Variants in NRCAM observed in about 807,000 individuals in gnomAD.
NRCAM encodes the protein neuronal cell adhesion molecule.
NRCAM carries 83 observed loss-of-function variants against 156.5 expected under a neutral mutation model. The observed-to-expected ratio is 0.53, with a 90% CI of 0.44 to 0.64. The LOEUF is 0.64. NRCAM is among the 30% of genes least tolerant of loss of function. NRCAM has a pLI of 0.00. For synonymous variants in NRCAM, 538 were observed against 563.9 expected, an observed-to-expected ratio of 0.95 and a Z score of 0.65; for missense variants, 1,417 against 1,597.3, an observed-to-expected ratio of 0.89 and a Z score of 1.92.
chr7:108,444,271 G>C (rs1400431651), intron 1 of NRCAM, among the ~76,000 whole-genome samples: 1 of 151,996 alleles, frequency 6.6e-6, no homozygotes, highest in South Asian at 2.1e-4. Flanking sequence ...TGATATCCTG[G>C]GGGTAAGGGG....
chr7:108,399,961 A>G (rs540210933), intron 1 of NRCAM, among the ~76,000 whole-genome samples: 9 of 152,234 alleles, frequency 5.9e-5, no homozygotes, highest in Non-Finnish European at 1.0e-4. Context: ...GTGCTCTATA[A>G]TCACATCAAC....
chr7:108,222,328 A>G (rs2092552568), intron 11 of NRCAM, among the ~76,000 whole-genome samples: 1 of 152,254 alleles, frequency 6.6e-6, no homozygotes, highest in Non-Finnish European at 1.5e-5. Context: ...GGTAAGTGAT[A>G]GAGTCCCAAT....
In NRCAM at chr7:108,412,947, T is replaced by C. The variant is rs192290406; in HGVS notation, c.-331-13354A>G. On this transcript the variant is annotated intron_variant, in intron 1 of 32. Coordinates refer to ENST00000379028, the MANE Select transcript of NRCAM (RefSeq NM_001037132.4). ...TGCATTTTCTTTATCCATTCATCCA[T>C]AGATAAACACTTCGGTTGATCCATG... Among the ~76,000 whole-genome samples, 41 of 152,338 alleles carry C rather than the reference T, an allele frequency of 2.7e-4. No individual in the cohort carries two copies. In the East Asian group the frequency reaches 7.5e-3, roughly 28 times the overall value.
At chr7:108,291,714 G>C (rs941534953) in intron 3 of NRCAM, among the ~76,000 whole-genome samples, 1 of 152,136 alleles carries the variant, frequency 6.6e-6, no homozygotes, top group Non-Finnish European at 1.5e-5. Flanking sequence ...GCGACAGAGA[G>C]AGAAGAGAAA....
intron 24 of NRCAM, 74 bp from the exon 25 acceptor site, chr7:108,180,501 CTGT>C: frequency 1.6e-6 from 2 of 1,243,614 alleles, no homozygotes; most frequent in Non-Finnish European, 2.3e-6. Flanking sequence ...AAAATTGAAA[CTGT>C]TGTTTTTCCA....
chr7:108,217,286 C>T (rs867637077), intron 11 of NRCAM, among the ~76,000 whole-genome samples: 14 of 152,336 alleles, frequency 9.2e-5, no homozygotes, highest in Middle Eastern at 3.4e-3. Flanking sequence ...GTTCCCTCCT[C>T]TGGATGCTTC....
intron 3 of NRCAM, among the ~76,000 whole-genome samples, chr7:108,305,157 T>C (rs17155400): frequency 0.023 from 3,502 of 152,306 alleles, 93 homozygotes; most frequent in East Asian, 0.1. Flanking sequence ...TACTCCTCTA[T>C]GGCAAGAAAG....
Position 108,189,671 on chromosome 7 carries a change from C to G in NRCAM, c.2009G>C (p.Gly670Ala). The change falls in exon 20 of 33, where the codon GGC becomes GCC. Residue 670 changes from glycine (G) to alanine (A), a missense_variant. Gly to Ala is a moderately conservative substitution (Grantham distance 60). This residue lies in a region of NRCAM where 1,238 missense variants were observed against 1,336.4 expected (regional missense o/e 0.93). Transcript: ENST00000379028. The stretch of plus-strand genomic sequence containing the variant: ...TGTAATGGGGCTATTGTTGTCATCG[C>G]CTGGGGTCCATGACAGCTGAACACT... ...DKSVQLSWTP[G>A]DDNNSPITKF... The G allele has an allele frequency of 6.7e-7, 1 of 1,497,728 alleles. No individual in the cohort carries two copies. The highest frequency in any genetic ancestry group is 1.1e-5 in the South Asian group (1 of 87,338). 92.8% of individuals were successfully genotyped at this position (1,497,728 alleles called of 1,614,324 possible).
At chr7:108,261,634 G>A (rs1437586118) in intron 3 of NRCAM, among the ~76,000 whole-genome samples, 1 of 152,138 alleles carries the variant, frequency 6.6e-6, no homozygotes, top group Non-Finnish European at 1.5e-5. Context: ...CCCCTCGTGT[G>A]CACCACTTCA....
chr7:108,270,165 G>A (rs2097289254), intron 3 of NRCAM, among the ~76,000 whole-genome samples: 1 of 152,082 alleles, frequency 6.6e-6, no homozygotes. Flanking sequence ...CTATCAAATT[G>A]GAAAAGGCAA....
At chr7:108,255,955 G>A (rs1363453173) in intron 3 of NRCAM, among the ~76,000 whole-genome samples, 3 of 50,520 alleles carry the variant, frequency 5.9e-5, no homozygotes, top group African/African-American at 9.4e-5. Context: ...GTCCGGGAGG[G>A]AGGTGGGGGG....
At chr7:108,249,008 C>A (rs2096159991) in intron 3 of NRCAM, among the ~76,000 whole-genome samples, 2 of 152,126 alleles carry the variant, frequency 1.3e-5, no homozygotes, top group South Asian at 4.1e-4. Context: ...CTAGTTGAAG[C>A]TACCTCCTCT....
intron 22 of NRCAM, among the ~76,000 whole-genome samples, chr7:108,183,835 G>A (rs906717646): frequency 6.6e-6 from 1 of 152,078 alleles, no homozygotes; most frequent in Non-Finnish European, 1.5e-5. Flanking sequence ...GGCCCCAGGT[G>A]GTTCTTTATG....
At chr7:108,226,911 C>T (rs2093562690) in intron 8 of NRCAM, among the ~76,000 whole-genome samples, 1 of 152,196 alleles carries the variant, frequency 6.6e-6, no homozygotes, top group Non-Finnish European at 1.5e-5. Context: ...GTTGAAGAAT[C>T]AGGCAGCAAA....
chr7:108,224,976 A>G (rs1562821622), intron 10 of NRCAM, among the ~76,000 whole-genome samples: 1 of 152,180 alleles, frequency 6.6e-6, no homozygotes, highest in Non-Finnish European at 1.5e-5. Flanking sequence ...TACCTTATGG[A>G]TAATTAAGAG....
intron 2 of NRCAM, among the ~76,000 whole-genome samples, chr7:108,371,485 G>T (rs2099628182): frequency 6.6e-6 from 1 of 152,140 alleles, no homozygotes. Context: ...TGTCTTCAGG[G>T]CTGCACAGAG....
At position 108,455,696 on chromosome 7, in the gene NRCAM, C is replaced by G. The variant is rs527237004; in HGVS notation, c.-332+547G>C. Among the ~76,000 whole-genome samples the G allele has an allele frequency of 9.8e-5, 15 of 152,336 alleles. No homozygotes were observed. In the East Asian group the frequency reaches 2.9e-3, roughly 29 times the overall value. On this transcript the variant is annotated intron_variant, in intron 1 of 32. Transcript: ENST00000379028. ...GTGGTCAGCACAGGTGTACGCACTTCCGAACAAAGCCCACGCCCAGACGTG... is the reference window on the plus strand; with the variant it reads ...GTGGTCAGCACAGGTGTACGCACTTGCGAACAAAGCCCACGCCCAGACGTG...
chr7:108,407,343 A>G lies in NRCAM; in HGVS notation c.-331-7750T>C, dbSNP rs564579536. ...AATATTGGATATTAATGTTATTCCA[A>G]CTGGCTGACTTTTTATATGATTTTT... On this transcript the variant is annotated intron_variant, in intron 1 of 32. Transcript: ENST00000379028. Among the ~76,000 whole-genome samples, 6 of 152,278 alleles carry G rather than the reference A, an allele frequency of 3.9e-5. 1 individual carries two copies. The highest frequency in any genetic ancestry group is 1.4e-4 in the African/African-American group (6 of 41,570).
chr7:108,160,267 A>G, intron 31 of NRCAM, 94 bp downstream of exon 31: 1 of 1,307,562 alleles, frequency 7.6e-7, no homozygotes, highest in Middle Eastern at 2.0e-4. Context: ...TGGGAAGACA[A>G]AATATTACAA....
Sources: allele counts gnomAD v4.1 joint callset (sites outside exome capture counted in the v4.1 genomes callset), GRCh38; gene constraint gnomAD v4.1.1; regional missense constraint gnomAD v4.1.1; transcripts MANE v1.5; gene names NCBI Gene and HGNC (gene_info 2026-07-23, HGNC 2026-07-21).